SNTB1: variants seen among roughly 807,000 people sequenced by gnomAD.
The protein encoded by SNTB1 is beta-1-syntrophin.
Under a neutral mutation model 48.9 loss-of-function variants are expected in SNTB1, and 36 were observed. That is an observed-to-expected ratio of 0.74 (90% CI 0.56 to 0.97). The LOEUF (loss-of-function observed/expected upper bound fraction) is 0.97, where lower values mean the gene tolerates loss of function less well. SNTB1 is among the 50% of genes least tolerant of loss of function. The pLI, the probability that SNTB1 is intolerant of heterozygous loss-of-function variation, is 0.00. For missense variants in SNTB1, 786 were observed against 703.4 expected (o/e 1.12, Z -1.33); for synonymous variants, 299 against 294.6 (o/e 1.01, Z -0.15).
At chr8:120,657,131 C>T (rs1817514679) in intron 2 of SNTB1, among the ~76,000 whole-genome samples, 1 of 152,210 alleles carries the variant, frequency 6.6e-6, no homozygotes, top group African/African-American at 2.4e-5. Context: ...ACAAGCTACT[C>T]TTCAAGAGTC....
chr8:120,572,214 T>C (rs921612721), intron 4 of SNTB1, among the ~76,000 whole-genome samples: 1 of 152,320 alleles, frequency 6.6e-6, no homozygotes, highest in Non-Finnish European at 1.5e-5. Flanking sequence ...GCCCACCTTA[T>C]TTCTGTCTAC....
intron 2 of SNTB1, among the ~76,000 whole-genome samples, chr8:120,677,467 T>C (rs1817856139): frequency 6.6e-6 from 1 of 152,224 alleles, no homozygotes; most frequent in South Asian, 2.1e-4. Context: ...AAAATCATGA[T>C]GTGGTTTTCG....
At chr8:120,799,382 T>C (rs1037022483) in intron 1 of SNTB1, among the ~76,000 whole-genome samples, 1 of 151,930 alleles carries the variant, frequency 6.6e-6, no homozygotes, top group African/African-American at 2.4e-5. Context: ...TCAATACTGG[T>C]GCAAAATAGT....
intron 1 of SNTB1, among the ~76,000 whole-genome samples, chr8:120,764,494 C>G (rs536618851): frequency 6.6e-6 from 1 of 152,322 alleles, no homozygotes; most frequent in East Asian, 1.9e-4. Context: ...GGCTGAATAA[C>G]TGAGAGCCAA....
At chr8:120,752,327 A>T (rs920103841) in intron 1 of SNTB1, among the ~76,000 whole-genome samples, 4 of 152,154 alleles carry the variant, frequency 2.6e-5, no homozygotes, top group African/African-American at 9.7e-5. Flanking sequence ...TGTAATATTT[A>T]AAAAATCACA....
chr8:120,784,435 C>G (rs1819887971), intron 1 of SNTB1, among the ~76,000 whole-genome samples: 1 of 152,120 alleles, frequency 6.6e-6, no homozygotes, highest in African/African-American at 2.4e-5. Flanking sequence ...TCATAAGCTA[C>G]TCCACGATGT....
intron 3 of SNTB1, among the ~76,000 whole-genome samples, chr8:120,604,991 C>T (rs1405210570): frequency 6.6e-6 from 1 of 152,148 alleles, no homozygotes; most frequent in Admixed American, 6.6e-5. Context: ...TGAAAAATCT[C>T]AGAAGTAGTA....
intron 2 of SNTB1, among the ~76,000 whole-genome samples, chr8:120,657,277 C>A (rs1037718498): frequency 6.6e-6 from 1 of 152,172 alleles, no homozygotes; most frequent in African/African-American, 2.4e-5. Context: ...ATTATCTTGG[C>A]AGTATCTCCC....
At chr8:120,602,648 C>A (rs1816439208) in intron 3 of SNTB1, among the ~76,000 whole-genome samples, 1 of 152,096 alleles carries the variant, frequency 6.6e-6, no homozygotes, top group South Asian at 2.1e-4. Context: ...TATCTAGATC[C>A]CTCTCCATCT....
At chr8:120,632,187 G>A (rs923891238) in intron 3 of SNTB1, among the ~76,000 whole-genome samples, 3 of 151,998 alleles carry the variant, frequency 2.0e-5, no homozygotes, top group Non-Finnish European at 4.4e-5. Context: ...ACTATTCCTC[G>A]ACTCACTCAT....
chr8:120,720,881 T>A (rs1191593564), intron 1 of SNTB1, among the ~76,000 whole-genome samples: 2 of 152,222 alleles, frequency 1.3e-5, no homozygotes, highest in African/African-American at 2.4e-5. Context: ...GGAGCCTCCA[T>A]CTGTCAGTCA....
rs544413309 is a variant in SNTB1 at position 120,559,268 on chromosome 8, A to T, written c.1137-10310T>A. ...TTAGTGACTGGTGTTTTCGGTAGTA[A>T]CTTGGTTGTTTAGGGAGGTAGAGTT... is the stretch of plus-strand genomic sequence containing the variant. On this transcript the variant is annotated intron_variant, in intron 4 of 6. Coordinates refer to ENST00000517992, the MANE Select transcript of SNTB1 (RefSeq NM_021021.4). Among the ~76,000 whole-genome samples, 13 of 152,254 alleles carry T rather than the reference A, an allele frequency of 8.5e-5. No homozygotes were observed. The South Asian group carries it at 2.7e-3, about 32-fold the overall frequency.
intron 1 of SNTB1, among the ~76,000 whole-genome samples, chr8:120,738,985 G>A (rs1818998271): frequency 6.6e-6 from 1 of 152,142 alleles, no homozygotes; most frequent in Non-Finnish European, 1.5e-5. Context: ...GCAAATCACT[G>A]TTAATAAGAA....
rs76972519 is a variant in SNTB1, at chr8:120,716,744, C to T, written c.572-22836G>A. On this transcript the variant is annotated intron_variant, in intron 1 of 6. Coordinates refer to ENST00000517992, the MANE Select transcript of SNTB1 (RefSeq NM_021021.4). ...TCACACTGGTATTCAGTTTAGATGT[C>T]CTTGCTTTTCTCTTCAACCTAAACT... Among the ~76,000 whole-genome samples the T allele has an allele frequency of 7.4e-3, 1,126 of 152,232 alleles. 14 individuals carry two copies. The highest frequency in any genetic ancestry group is 0.026 in the African/African-American group (1,063 of 41,526).
rs10086074 is a variant in SNTB1 at position 120,552,070 on chromosome 8, T to C, written c.1137-3112A>G. ...ATCCAGAGCCAGCATAAATATATTG[T>C]AGAGGCAGAAGCAAAGTGAGAAAAA... On this transcript the variant is annotated intron_variant, in intron 4 of 6. Transcript: ENST00000517992. 5.3e-3 allele frequency among the ~76,000 whole-genome samples: 803 copies of C among 152,238 alleles called. 5 individuals are homozygous for C. The highest frequency in any genetic ancestry group is 0.019 in the African/African-American group (773 of 41,530).
intron 3 of SNTB1, among the ~76,000 whole-genome samples, chr8:120,584,506 A>T (rs1163738434): frequency 6.6e-6 from 1 of 150,616 alleles, no homozygotes; most frequent in Non-Finnish European, 1.5e-5. Flanking sequence ...AAGTTTAGGG[A>T]AAATGTAATA....
rs936137210 is a variant in SNTB1 at position 120,537,418 on chromosome 8, TG to T, written c.*1458del. 4 of 152,216 alleles carry T rather than the reference TG, an allele frequency of 2.6e-5. No individual in the cohort carries two copies. The highest frequency in any genetic ancestry group is 9.6e-5 in the African/African-American group (4 of 41,458). 9.4% of individuals were successfully genotyped at this position (152,216 alleles called of 1,614,324 possible). A position where few individuals can be genotyped will look rare whatever the true frequency, so the allele number is the denominator to read the frequency against. Reference sequence around the variant, plus strand: ...AACTAGCGTCATATGATATATTCTTTGGGGAAATGCTGATTTAAAATAAAAC... The same window carrying T: ...AACTAGCGTCATATGATATATTCTTTGGGAAATGCTGATTTAAAATAAAAC... On this transcript the variant is annotated 3_prime_UTR_variant, in exon 7 of 7. Coordinates refer to ENST00000517992, the MANE Select transcript of SNTB1 (RefSeq NM_021021.4).
chr8:120,717,418 C>T (rs570109988), intron 1 of SNTB1, among the ~76,000 whole-genome samples: 153 of 152,308 alleles, frequency 1.0e-3, no homozygotes, highest in African/African-American at 3.5e-3. Context: ...TGAAGGAATG[C>T]TTGGGTGACT....
intron 3 of SNTB1, among the ~76,000 whole-genome samples, chr8:120,585,736 GT>G (rs35241881): frequency 0.72 from 110,176 of 151,984 alleles, 40,883 homozygotes; most frequent in Non-Finnish European, 0.82. Context: ...AGCAAATCCT[GT>G]TTTTTTTGCT....
Sources: allele counts gnomAD v4.1 joint callset (sites outside exome capture counted in the v4.1 genomes callset), GRCh38; gene constraint gnomAD v4.1.1; transcripts MANE v1.5; gene names NCBI Gene and HGNC (gene_info 2026-07-23, HGNC 2026-07-21).